STK33: variants seen among roughly 807,000 people sequenced by gnomAD.
STK33 encodes the protein serine/threonine-protein kinase 33.
In STK33, 52 loss-of-function variants were observed where a neutral mutation model predicts 58.0. The ratio of observed to expected loss-of-function variants is 0.90; its 90% CI spans 0.72 to 1.13. The LOEUF (loss-of-function observed/expected upper bound fraction) is 1.13. STK33 is among the 50% of genes most tolerant of loss of function. The pLI is 0.00. For missense variants in STK33, 630 were observed against 604.2 expected (o/e 1.04, Z -0.45); for synonymous variants, 215 against 200.1 (o/e 1.07, Z -0.63).
chr11:8,424,445 A>G (rs1461811764), intron 14 of STK33, among the ~76,000 whole-genome samples: 1 of 151,138 alleles, frequency 6.6e-6, no homozygotes, highest in Non-Finnish European at 1.5e-5. Flanking sequence ...GCCACAATAA[A>G]CATACGTGTG....
At position 8,461,915 on chromosome 11, in the gene STK33, T is replaced by C; in HGVS notation, c.454-6A>G. On this transcript the variant is annotated splice_region_variant and splice_polypyrimidine_tract_variant and intron_variant, in intron 7 of 15. Transcript: ENST00000687296. ...TTCACAGCAGAGCTTCCAGCCTTAA[T>C]CAATGAAGAAACACAGATTTCACAT... The C allele has an allele frequency of 1.9e-6, 3 of 1,571,514 alleles. No homozygotes were observed. The highest frequency in any genetic ancestry group is 2.6e-6 in the Non-Finnish European group (3 of 1,162,318).
intron 1 of STK33, among the ~76,000 whole-genome samples, chr11:8,526,285 G>A (rs1954014303): frequency 6.6e-6 from 1 of 151,816 alleles, no homozygotes; most frequent in South Asian, 2.1e-4. Context: ...CCAGCTACTC[G>A]GGAGGCTGAG....
rs1955381553 is a variant in STK33 at position 8,540,017 on chromosome 11, A to C, written c.-466+54066T>G. ...CAGTATGGAGGTTCCCGAAAAAATT[A>C]AAAATAGAACTATCATACAACCCAG... On this transcript the variant is annotated intron_variant, in intron 1 of 15. Transcript: ENST00000687296. 2.0e-5 allele frequency among the ~76,000 whole-genome samples: 3 copies of C among 152,290 alleles called. 1 individual carries two copies. In the South Asian group the frequency reaches 6.2e-4, roughly 32 times the overall value.
At chr11:8,586,219 A>G (rs1479309137) in intron 1 of STK33, among the ~76,000 whole-genome samples, 32 of 52,218 alleles carry the variant, frequency 6.1e-4, no homozygotes, top group Non-Finnish European at 9.9e-4. Context: ...CCTATCTCGG[A>G]AAAAAAAAAA....
At chr11:8,567,180 T>C (rs1957509360) in intron 1 of STK33, 1 of 152,122 alleles carries the variant, frequency 6.6e-6, no homozygotes, top group African/African-American at 2.4e-5. Flanking sequence ...ACATTACTAA[T>C]AAAATTTACT....
intron 7 of STK33, among the ~76,000 whole-genome samples, chr11:8,463,174 C>T (rs1947777662): frequency 6.6e-6 from 1 of 152,182 alleles, no homozygotes; most frequent in African/African-American, 2.4e-5. Context: ...CCTAGAGCAG[C>T]AGTCCCCGAC....
downstream of STK33, among the ~76,000 whole-genome samples, chr11:8,389,094 A>C (rs1211266667): frequency 6.6e-6 from 1 of 152,258 alleles, no homozygotes; most frequent in Non-Finnish European, 1.5e-5. Flanking sequence ...TAAATGCGGA[A>C]GCTGAGGATT....
Position 8,440,751 on chromosome 11 carries a change from G to A in STK33, c.874C>T (p.Pro292Ser). The change falls in exon 12 of 16, where the codon CCT (proline) becomes TCT (serine). Residue 292 changes from proline to serine, a missense_variant and splice_region_variant. By Grantham distance (74) the Pro-to-Ser change is moderately conservative. Transcript: ENST00000687296. ...TAGTCGTGGGCACTGATAACTTCAG[G>A]GGCTGCCAAACAAGCAGATATAAAA... ...ATCGTPIYMAPEVISAHDYSQ... is the reference protein window; with the variant it reads ...ATCGTPIYMASEVISAHDYSQ... 1.3e-6 allele frequency: 2 copies of A among 1,562,878 alleles called. No individual in the cohort carries two copies. Among genetic ancestry groups the A allele is most frequent in the Non-Finnish European group, 1.7e-6 (2 of 1,151,728 alleles).
intron 1 of STK33, among the ~76,000 whole-genome samples, chr11:8,531,191 A>G (rs1954515939): frequency 1.3e-5 from 2 of 152,198 alleles, no homozygotes; most frequent in South Asian, 4.1e-4. Flanking sequence ...GATTAATAAA[A>G]TAAATACCCC....
intron 15 of STK33, among the ~76,000 whole-genome samples, chr11:8,393,706 AGT>A (rs1848889667): frequency 6.6e-6 from 1 of 152,224 alleles, no homozygotes; most frequent in Non-Finnish European, 1.5e-5. Context: ...ATTTTCAAAG[AGT>A]GTGATAAGAT....
the STK33 span, among the ~76,000 whole-genome samples, chr11:8,380,844 T>C: frequency 6.6e-6 from 1 of 152,142 alleles, no homozygotes; most frequent in Non-Finnish European, 1.5e-5. Context: ...TAAGTGCCCA[T>C]CAACCAATGA....
At chr11:8,376,679 C>A in the STK33 span, among the ~76,000 whole-genome samples, 1 of 151,980 alleles carries the variant, frequency 6.6e-6, no homozygotes, top group Non-Finnish European at 1.5e-5. Context: ...GTAGCTGGGA[C>A]TACAGGCACC....
At chr11:8,343,210 G>A in the STK33 span, among the ~76,000 whole-genome samples, 6 of 152,254 alleles carry the variant, frequency 3.9e-5, no homozygotes, top group African/African-American at 1.4e-4. Flanking sequence ...CGCCTGTCTG[G>A]CCACTCTGGC....
intron 1 of STK33, among the ~76,000 whole-genome samples, chr11:8,530,033 C>T (rs1410912023): frequency 1.3e-5 from 2 of 152,054 alleles, no homozygotes; most frequent in African/African-American, 4.8e-5. Context: ...TGAGCTGGTG[C>T]GAGAGGGGGC....
At chr11:8,504,723 A>C (rs1951748911) in intron 1 of STK33, among the ~76,000 whole-genome samples, 1 of 152,178 alleles carries the variant, frequency 6.6e-6, no homozygotes, top group South Asian at 2.1e-4. Flanking sequence ...ACTTGAGCCC[A>C]GGAGTTCGAG....
intron 1 of STK33, among the ~76,000 whole-genome samples, chr11:8,571,551 G>C (rs1159244064): frequency 6.6e-6 from 1 of 152,082 alleles, no homozygotes; most frequent in Non-Finnish European, 1.5e-5. Context: ...GGTTAAAATG[G>C]GGCCAGGCAT....
chr11:8,521,521 C>T (rs1026585818), intron 1 of STK33, among the ~76,000 whole-genome samples: 1 of 152,110 alleles, frequency 6.6e-6, no homozygotes, highest in South Asian at 2.1e-4. Context: ...ACCATAAAAA[C>T]CCTAGAAGAA....
At chr11:8,397,547 C>T (rs1021922962) in intron 15 of STK33, among the ~76,000 whole-genome samples, 3 of 152,142 alleles carry the variant, frequency 2.0e-5, no homozygotes, top group African/African-American at 4.8e-5. Context: ...CTCTAAAAAT[C>T]GGAGCACCTC....
chr11:8,420,748 G>A (rs1291552976), intron 14 of STK33, among the ~76,000 whole-genome samples: 1 of 152,174 alleles, frequency 6.6e-6, no homozygotes, highest in African/African-American at 2.4e-5. Context: ...TGTAATCCCA[G>A]CACTTTGGGA....
Sources: allele counts gnomAD v4.1 joint callset (sites outside exome capture counted in the v4.1 genomes callset), GRCh38; gene constraint gnomAD v4.1.1; transcripts MANE v1.5; gene names NCBI Gene and HGNC (gene_info 2026-07-23, HGNC 2026-07-21).